Variants in PTPRJ observed in about 807,000 individuals in gnomAD.
PTPRJ encodes the protein protein tyrosine phosphatase receptor type J.
Under a neutral mutation model 141.3 loss-of-function variants are expected in PTPRJ, and 129 were observed. The observed-to-expected ratio is 0.91, with a 90% CI of 0.79 to 1.06. PTPRJ has a LOEUF of 1.06. Ranked by LOEUF, PTPRJ falls within the 50% of genes least tolerant of loss-of-function variation. The pLI, the probability that PTPRJ is intolerant of heterozygous loss-of-function variation, is 0.00. For missense variants in PTPRJ, 1,601 were observed against 1,679.7 expected (o/e 0.95, Z 0.82); for synonymous variants, 610 against 640.5 (o/e 0.95, Z 0.72).
chr11:47,998,457 C>T (rs1413016995), intron 1 of PTPRJ, among the ~76,000 whole-genome samples: 11 of 152,280 alleles, frequency 7.2e-5, no homozygotes, highest in South Asian at 4.1e-4. Flanking sequence ...AAAATTATCA[C>T]GCCCATTTTA....
At chr11:48,106,056 T>C (rs1856280472) in intron 1 of PTPRJ, among the ~76,000 whole-genome samples, 1 of 152,228 alleles carries the variant, frequency 6.6e-6, no homozygotes, top group Non-Finnish European at 1.5e-5. Flanking sequence ...AGCTAGGATA[T>C]TGGCTAATAC....
chr11:48,010,914 AAGT>A (rs1854766926), intron 1 of PTPRJ, among the ~76,000 whole-genome samples: 1 of 151,968 alleles, frequency 6.6e-6, no homozygotes, highest in South Asian at 2.1e-4. Flanking sequence ...TCCTGAGCCC[AAGT>A]CATCCTTCCG....
intron 1 of PTPRJ, among the ~76,000 whole-genome samples, chr11:48,049,227 A>G (rs1174793453): frequency 6.6e-6 from 1 of 151,732 alleles, no homozygotes; most frequent in Non-Finnish European, 1.5e-5. Context: ...CCCCCTCCCA[A>G]CTCTGCCCAG....
intron 1 of PTPRJ, among the ~76,000 whole-genome samples, chr11:48,062,524 CA>C (rs1440620748): frequency 6.6e-6 from 1 of 151,040 alleles, no homozygotes. Flanking sequence ...AAAAAAAAAC[CA>C]AAAAAAACAG....
intron 4 of PTPRJ, among the ~76,000 whole-genome samples, chr11:48,121,489 T>G (rs1856707776): frequency 6.6e-6 from 1 of 152,356 alleles, no homozygotes; most frequent in Non-Finnish European, 1.5e-5. Flanking sequence ...CTGTTTGGTT[T>G]TTAAAATCTT....
intron 1 of PTPRJ, chr11:48,044,989 T>C (rs1247952133): frequency 3.3e-5 from 5 of 152,310 alleles, no homozygotes; most frequent in African/African-American, 9.6e-5. Flanking sequence ...CCCTTTTTTC[T>C]CCTCCCTGGG....
chr11:47,983,077 T>C (rs1488011319), intron 1 of PTPRJ, among the ~76,000 whole-genome samples: 1 of 152,178 alleles, frequency 6.6e-6, no homozygotes, highest in Non-Finnish European at 1.5e-5. Context: ...ATGAGGATAT[T>C]GATGTCCAGA....
intron 1 of PTPRJ, among the ~76,000 whole-genome samples, chr11:47,995,377 G>C (rs1854307697): frequency 6.6e-6 from 1 of 152,204 alleles, no homozygotes; most frequent in Non-Finnish European, 1.5e-5. Context: ...TTGAGGCACA[G>C]GGGAGCTGAA....
intron 1 of PTPRJ, among the ~76,000 whole-genome samples, chr11:47,987,471 C>G (rs1854080791): frequency 6.6e-6 from 1 of 152,212 alleles, no homozygotes. Context: ...TGGTGGGGAA[C>G]AGGAGCCTGT....
intron 8 of PTPRJ, among the ~76,000 whole-genome samples, chr11:48,135,154 A>C (rs188972111): frequency 4.0e-5 from 6 of 148,626 alleles, no homozygotes; most frequent in African/African-American, 1.5e-4. Context: ...TCCACTTCAG[A>C]TGACCCCTTG....
intron 1 of PTPRJ, among the ~76,000 whole-genome samples, chr11:48,076,761 A>G (rs1043997157): frequency 2.6e-5 from 4 of 151,662 alleles, no homozygotes; most frequent in Non-Finnish European, 5.9e-5. Flanking sequence ...CCTTTAAGAT[A>G]TCAAACATAA....
At chr11:48,159,889 C>A (rs1309864084) in intron 21 of PTPRJ, 41 bp from the exon 22 acceptor site, 1 of 1,609,736 alleles carries the variant, frequency 6.2e-7, no homozygotes, top group Non-Finnish European at 8.5e-7. Flanking sequence ...TGGCAGATGG[C>A]ATGATCTGAG....
chr11:48,069,319 T>G (rs1855171583), intron 1 of PTPRJ, among the ~76,000 whole-genome samples: 1 of 151,756 alleles, frequency 6.6e-6, no homozygotes, highest in African/African-American at 2.4e-5. Context: ...AGACTGGTCT[T>G]GAACTCCTGA....
rs140404426 is a variant in PTPRJ at position 48,150,226 on chromosome 11, A to G, written c.3138+43A>G. The G allele has an allele frequency of 5.7e-5, 90 of 1,572,844 alleles. No individual in the cohort carries two copies. In the African/African-American group the frequency reaches 9.5e-4, roughly 17 times the overall value. On this transcript the variant is annotated intron_variant, in intron 18 of 24. Transcript: ENST00000418331. Reference sequence around the variant, plus strand: ...CTGTTTTTAATTGTGTCAGGTTCCAACCCAAGCTGGGATCTGAGGGGAGTT... The same window carrying G: ...CTGTTTTTAATTGTGTCAGGTTCCAGCCCAAGCTGGGATCTGAGGGGAGTT...
At position 48,156,015 on chromosome 11, in the gene PTPRJ, A is replaced by C; in HGVS notation, c.3334A>C (p.Thr1112Pro). 6.2e-7 allele frequency: 1 copy of C among 1,609,514 alleles called. No homozygotes were observed. Among genetic ancestry groups the C allele is most frequent in the Non-Finnish European group, 8.5e-7 (1 of 1,175,852 alleles). ...CCACTCCAAGAAAGATTTTATTGCC[A>C]CACAAGGACCTTTACCGAACACTTT... ...GYHSKKDFIA[T>P]QGPLPNTLKD... Residue 1112 changes from threonine (T) to proline (P), a missense_variant, in exon 21 of 25, where the codon ACA becomes CCA. Coordinates refer to ENST00000418331, the MANE Select transcript of PTPRJ (RefSeq NM_002843.4).
chr11:48,152,070 A>G (rs1299644257), intron 18 of PTPRJ, among the ~76,000 whole-genome samples: 4 of 152,230 alleles, frequency 2.6e-5, no homozygotes, highest in Non-Finnish European at 5.9e-5. Flanking sequence ...ACAACAGTGT[A>G]AAAGTGTTGC....
rs148648806 is a variant in PTPRJ, at chr11:48,149,205, A to AT, written c.3000-235dup. Among the ~76,000 whole-genome samples, 425 of 152,298 alleles carry AT rather than the reference A, an allele frequency of 2.8e-3. 15 individuals are homozygous for AT. The East Asian group carries it at 0.073, about 26-fold the overall frequency. The stretch of plus-strand genomic sequence containing the variant: ...AGTTCTTAAAAGTGACTTGGATATG[A>AT]TTTTTTTCATTCTTTTAGATAGTAC... On this transcript the variant is annotated intron_variant, in intron 15 of 24. Transcript: ENST00000418331.
chr11:48,018,532 T>G (rs1254099155), intron 1 of PTPRJ, among the ~76,000 whole-genome samples: 1 of 152,248 alleles, frequency 6.6e-6, no homozygotes, highest in Non-Finnish European at 1.5e-5. Context: ...TTACCACATG[T>G]AAGTCATCAT....
intron 6 of PTPRJ, among the ~76,000 whole-genome samples, chr11:48,126,145 G>A (rs12794197): frequency 0.23 from 34,529 of 152,050 alleles, 4,781 homozygotes; most frequent in African/African-American, 0.38. Flanking sequence ...TGTGCCCTGC[G>A]TCAAGCCATG....
Sources: allele counts gnomAD v4.1 joint callset (sites outside exome capture counted in the v4.1 genomes callset), GRCh38; gene constraint gnomAD v4.1.1; transcripts MANE v1.5; gene names NCBI Gene and HGNC (gene_info 2026-07-23, HGNC 2026-07-21).